Variants in CDC37 observed in about 807,000 individuals in gnomAD.
CDC37 encodes the protein hsp90 co-chaperone Cdc37.
A neutral mutation model predicts 46.9 loss-of-function variants in CDC37; 9 were observed. The observed-to-expected ratio is 0.19, with a 90% CI of 0.12 to 0.33. The LOEUF (loss-of-function observed/expected upper bound fraction) is 0.33. Ranked by LOEUF, CDC37 falls within the 10% of genes least tolerant of loss-of-function variation. The probability of loss-of-function intolerance (pLI) is 1.00; values close to 1 mark genes in which losing one functional copy is unlikely to be tolerated. For synonymous variants in CDC37, 193 were observed against 191.0 expected (o/e 1.01, Z -0.09); for missense variants, 388 against 514.6 (o/e 0.75, Z 2.38).
At position 10,393,035 on chromosome 19, in the gene CDC37, G is replaced by A. The variant is rs777845780; in HGVS notation, c.981+51C>T. The A allele has an allele frequency of 3.3e-6, 5 of 1,504,418 alleles. No individual in the cohort carries two copies. The South Asian group carries it at 3.4e-5, about 10-fold the overall frequency. 93.2% of individuals were successfully genotyped at this position (1,504,418 alleles called of 1,614,324 possible). ...CTTCAGAGACTTGGGACACAGGGCT[G>A]GGGGAGACACACGGCCCGCCGGGAA... On this transcript the variant is annotated intron_variant, in intron 7 of 7. Transcript: ENST00000222005. The surrounding 1 kb of genome is among the most constrained non-coding windows in gnomAD (Gnocchi z 4.9).
In CDC37 at chr19:10,393,009, G is replaced by T. The variant is rs747896906; in HGVS notation, c.981+77C>A. The T allele has an allele frequency of 1.5e-5, 20 of 1,364,228 alleles. No homozygotes were observed. In the African/African-American group the frequency reaches 2.3e-4, roughly 16 times the overall value. The allele number at this position is 1,364,228 out of a possible 1,614,324, so 84.5% of individuals were successfully genotyped here. Reference sequence around the variant, plus strand: ...CTTGGAGGGGCACTTTCACCAGCCGGCTTCAGAGACTTGGGACACAGGGCT... The same window carrying T: ...CTTGGAGGGGCACTTTCACCAGCCGTCTTCAGAGACTTGGGACACAGGGCT... On this transcript the variant is annotated intron_variant, in intron 7 of 7. Coordinates refer to ENST00000222005, the MANE Select transcript of CDC37 (RefSeq NM_007065.4). This position sits in a 1 kb window ranked among gnomAD's most constrained non-coding sequence, Gnocchi z 4.9.
intron 2 of CDC37, 60 bp downstream of exon 2, chr19:10,395,868 T>G: frequency 6.4e-7 from 1 of 1,572,528 alleles, no homozygotes; most frequent in Non-Finnish European, 8.7e-7. Context: ...TGCGCATGCG[T>G]CCTGGTTGCA....
chr19:10,397,574 G>A (rs1436615022), intron 1 of CDC37, among the ~76,000 whole-genome samples: 1 of 151,902 alleles, frequency 6.6e-6, no homozygotes, highest in African/African-American at 2.4e-5. Context: ...CCACGCCTGG[G>A]TAATTTTGTA....
At chr19:10,392,980 A>T in intron 7 of CDC37, 106 bp downstream of exon 7, 2 of 973,076 alleles carry the variant, frequency 2.1e-6, no homozygotes, top group Non-Finnish European at 1.6e-6. Flanking sequence ...CTCCTTGGAG[A>T]AGCCTTGGAG....
intron 4 of CDC37, 35 bp from the exon 5 acceptor site, chr19:10,395,178 G>A (rs764515365): frequency 9.3e-6 from 15 of 1,611,110 alleles, no homozygotes; most frequent in Non-Finnish European, 1.0e-5. Context: ...TCACCAAGTG[G>A]CGGCCTCATG....
Position 10,395,424 on chromosome 19 carries a change from G to A in CDC37, c.487+11C>T, listed in dbSNP as rs372000706. ...CGACCTTGCCCCCCATAACCCACAAGCCCCACTCACCAAAGTGCTTGATCT... is the reference window on the plus strand; with the variant it reads ...CGACCTTGCCCCCCATAACCCACAAACCCCACTCACCAAAGTGCTTGATCT... On this transcript the variant is annotated intron_variant, in intron 3 of 7. Transcript: ENST00000222005. 5.6e-6 allele frequency: 9 copies of A among 1,610,622 alleles called. No individual in the cohort carries two copies. The highest frequency in any genetic ancestry group is 7.6e-6 in the Non-Finnish European group (9 of 1,176,784).
Position 10,395,977 on chromosome 19 carries a change from T to C in CDC37, c.329A>G (p.Lys110Arg), listed in dbSNP as rs775088677. 1.3e-6 allele frequency: 2 copies of C among 1,516,090 alleles called. No homozygotes were observed. The highest frequency in any genetic ancestry group is 2.8e-5 in the East Asian group (1 of 35,714). The allele number at this position is 1,516,090 out of a possible 1,614,324, so 93.9% of individuals were successfully genotyped here. A position where few individuals can be genotyped will look rare whatever the true frequency, so the allele number is the denominator to read the frequency against. ...QKLEEMRKKE[K>R]SMPWNVDTLS... Reference sequence around the variant, plus strand: ...CGTGTCCACGTTCCAGGGCATGCTCTTCTCCTTCTTGCGCATCTCCTCCAG... The same window carrying C: ...CGTGTCCACGTTCCAGGGCATGCTCCTCTCCTTCTTGCGCATCTCCTCCAG... The change falls in exon 2 of 8, where the codon AAG becomes AGG. Residue 110 changes from lysine to arginine, a missense_variant. Physicochemically the swap from Lys to Arg is conservative, Grantham distance 26 (BLOSUM62 2). Around this residue, in one of 2 missense-constraint regions of CDC37, gnomAD observed 374 missense variants for 467.4 expected, o/e 0.80. Coordinates refer to ENST00000222005, the MANE Select transcript of CDC37 (RefSeq NM_007065.4).
chr19:10,395,810 A>T, intron 2 of CDC37, 118 bp downstream of exon 2: 1 of 473,434 alleles, frequency 2.1e-6, no homozygotes, highest in Non-Finnish European at 3.1e-6. Flanking sequence ...GCCCCCCACC[A>T]CACTCTTCAA....
chr19:10,395,134 G>A lies in CDC37; in HGVS notation c.613C>T (p.Leu205Phe). Residue 205 changes from leucine to phenylalanine, a missense_variant, in exon 5 of 8, where the codon CTC becomes TTC. Physicochemically the swap from Leu to Phe is conservative, Grantham distance 22 (BLOSUM62 0). Around this residue, in one of 2 missense-constraint regions of CDC37, gnomAD observed 374 missense variants for 467.4 expected, o/e 0.80. Transcript: ENST00000222005. ...GTCTGGTGGGCCACCTGCTCCATGA[G>A]TGCACATTTCTGCCAGGAAGAACAG... The part of the protein sequence containing the change: ...IDLEVEEKCA[L>F]MEQVAHQTIV... 1 of 1,598,518 alleles carries A rather than the reference G, an allele frequency of 6.3e-7. No homozygotes were observed. Among genetic ancestry groups the A allele is most frequent in the Non-Finnish European group, 8.6e-7 (1 of 1,169,266 alleles).
intron 2 of CDC37, 24 bp downstream of exon 2, chr19:10,395,904 G>GGC: frequency 9.1e-6 from 14 of 1,541,886 alleles, no homozygotes; most frequent in East Asian, 2.3e-5. Flanking sequence ...CATGCGCACT[G>GGC]CCCGCCCCGC....
intron 1 of CDC37, among the ~76,000 whole-genome samples, chr19:10,397,450 G>A (rs1226688146): frequency 1.5e-5 from 2 of 133,982 alleles, no homozygotes; most frequent in Admixed American, 1.6e-4. Context: ...AGACGGAGTC[G>A]CCCAGGCTGG....
intron 2 of CDC37, 108 bp from the exon 3 acceptor site, chr19:10,395,651 G>C (rs1190984347): frequency 2.1e-6 from 2 of 957,968 alleles, no homozygotes; most frequent in Middle Eastern, 2.1e-4. Flanking sequence ...GGCGGAGGTG[G>C]TGACGAAGCC....
In CDC37 at chr19:10,395,968, G is replaced by A; in HGVS notation, c.338C>T (p.Pro113Leu). 1 of 1,611,336 alleles carries A rather than the reference G, an allele frequency of 6.2e-7. No individual in the cohort carries two copies. Among genetic ancestry groups the A allele is most frequent in the Non-Finnish European group, 8.5e-7 (1 of 1,178,552 alleles). ...EEMRKKEKSMPWNVDTLSKDG... is the reference protein window; with the variant it reads ...EEMRKKEKSMLWNVDTLSKDG... ...TTTGCTGAGCGTGTCCACGTTCCAG[G>A]GCATGCTCTTCTCCTTCTTGCGCAT... The change falls in exon 2 of 8, where the codon CCC becomes CTC. Residue 113 changes from proline to leucine, a missense_variant. By Grantham distance (98) the Pro-to-Leu change is moderately conservative. Coordinates refer to ENST00000222005, the MANE Select transcript of CDC37 (RefSeq NM_007065.4).
chr19:10,395,904 G>GCCCC, intron 2 of CDC37, 24 bp downstream of exon 2: 7 of 1,541,892 alleles, frequency 4.5e-6, no homozygotes, highest in South Asian at 1.1e-5. Flanking sequence ...CATGCGCACT[G>GCCCC]CCCGCCCCGC....
In CDC37 at chr19:10,402,081, C is replaced by T. The variant is rs140621030; in HGVS notation, c.102+1297G>A. ...CTGAGGCAGGAGAATCACTTGAACC[C>T]GGGAGGCAGAGGTTGCAGTGAGCCA... On this transcript the variant is annotated intron_variant, in intron 1 of 7. Coordinates refer to ENST00000222005, the MANE Select transcript of CDC37 (RefSeq NM_007065.4). 2.1e-3 allele frequency among the ~76,000 whole-genome samples: 304 copies of T among 144,822 alleles called. 7 individuals carry two copies. In the East Asian group the frequency reaches 0.048, roughly 23 times the overall value.
intron 2 of CDC37, 24 bp downstream of exon 2, chr19:10,395,904 G>GGCCC (rs1568354820): frequency 1.3e-6 from 2 of 1,541,894 alleles, no homozygotes; most frequent in Non-Finnish European, 1.8e-6. Flanking sequence ...CATGCGCACT[G>GGCCC]CCCGCCCCGC....
chr19:10,400,384 T>C (rs1278496517), intron 1 of CDC37, among the ~76,000 whole-genome samples: 2 of 152,116 alleles, frequency 1.3e-5, no homozygotes, highest in Non-Finnish European at 2.9e-5. Flanking sequence ...TCTGGAAACT[T>C]TGAAATTTTT....
chr19:10,392,497 G>C (rs2042462751), intron 7 of CDC37, among the ~76,000 whole-genome samples: 1 of 152,070 alleles, frequency 6.6e-6, no homozygotes, highest in Non-Finnish European at 1.5e-5. Flanking sequence ...ATCAAACAGT[G>C]TCCTACTTAG....
Position 10,393,702 on chromosome 19 carries a change from T to C in CDC37, c.727-261A>G. 1 of 448,042 alleles carries C rather than the reference T, an allele frequency of 2.2e-6. No homozygotes were observed. The highest frequency in any genetic ancestry group is 4.0e-6 in the Non-Finnish European group (1 of 251,926). 27.8% of individuals were successfully genotyped at this position (448,042 alleles called of 1,614,324 possible). ...TCCTCAGTGTCCCTGCATGGGCACCTCTAACTCAACATGGCCACCTCCCAG... is the reference window on the plus strand; with the variant it reads ...TCCTCAGTGTCCCTGCATGGGCACCCCTAACTCAACATGGCCACCTCCCAG... On this transcript the variant is annotated intron_variant, in intron 5 of 7. Transcript: ENST00000222005. This position sits in a 1 kb window ranked among gnomAD's most constrained non-coding sequence, Gnocchi z 4.9.
Sources: allele counts gnomAD v4.1 joint callset (sites outside exome capture counted in the v4.1 genomes callset), GRCh38; gene constraint gnomAD v4.1.1; regional missense constraint gnomAD v4.1.1; non-coding constraint Gnocchi (gnomAD v3.1); transcripts MANE v1.5; gene names NCBI Gene and HGNC (gene_info 2026-07-23, HGNC 2026-07-21).